The following DPP9 variants were observed in gnomAD, a reference collection of about 807,000 sequenced individuals.
DPP9 encodes the protein dipeptidyl peptidase 9, also known as dipeptidyl peptidase IV-related protein-2.
Under a neutral mutation model 110.7 loss-of-function variants are expected in DPP9, and 50 were observed. That is an observed-to-expected ratio of 0.45 (90% CI 0.36 to 0.57). The LOEUF is 0.57. DPP9 is among the 20% of genes least tolerant of loss of function. DPP9 has a pLI of 0.00. For synonymous variants in DPP9, 561 were observed against 514.4 expected (o/e 1.09, Z -1.23); for missense variants, 1,022 against 1,217.9 (o/e 0.84, Z 2.39).
chr19:4,695,163 A>G lies in DPP9; in HGVS notation c.1353+215T>C. 1 of 583,042 alleles carries G rather than the reference A, an allele frequency of 1.7e-6. No homozygotes were observed. Among genetic ancestry groups the G allele is most frequent in the Non-Finnish European group, 3.0e-6 (1 of 337,630 alleles). The allele number at this position is 583,042 out of a possible 1,614,324, so 36.1% of individuals were successfully genotyped here. ...AACCCTGTCTCTAATTAAAGAAAAA[A>G]ATAGATGAGGGGAGAGGCTCCAATG... is the stretch of plus-strand genomic sequence containing the variant. On this transcript the variant is annotated intron_variant, in intron 12 of 21. Coordinates refer to ENST00000262960, the MANE Select transcript of DPP9 (RefSeq NM_139159.5). This position sits in a 1 kb window ranked among gnomAD's most constrained non-coding sequence, Gnocchi z 4.7.
intron 3 of DPP9, among the ~76,000 whole-genome samples, chr19:4,715,298 C>T (rs992794835): frequency 2.0e-5 from 3 of 152,130 alleles, no homozygotes; most frequent in African/African-American, 7.2e-5. Context: ...GCTGGGATTA[C>T]AGGCATGAGC....
intron 15 of DPP9, 66 bp from the exon 16 acceptor site, chr19:4,688,958 C>T (rs1341654603): frequency 1.0e-5 from 15 of 1,477,124 alleles, no homozygotes; most frequent in African/African-American, 3.0e-5. Context: ...GGGTGCCGAC[C>T]GCAGATCCAG....
chr19:4,702,913 C>T (rs961425977), intron 7 of DPP9, among the ~76,000 whole-genome samples, 197 bp from the exon 8 acceptor site: 14 of 137,244 alleles, frequency 1.0e-4, no homozygotes, highest in Non-Finnish European at 2.2e-4. Flanking sequence ...CTCCACCCCA[C>T]ACTGTGGACA....
intron 13 of DPP9, among the ~76,000 whole-genome samples, chr19:4,692,818 C>T (rs938780361): frequency 2.0e-5 from 3 of 152,172 alleles, no homozygotes; most frequent in African/African-American, 7.2e-5. Context: ...AAGTGAAACA[C>T]CAATGAGCCG....
At position 4,694,139 on chromosome 19, in the gene DPP9, C is replaced by T. The variant is rs1464278753; in HGVS notation, c.1516+522G>A. 1.3e-5 allele frequency among the ~76,000 whole-genome samples: 2 copies of T among 152,230 alleles called. No homozygotes were observed. The highest frequency in any genetic ancestry group is 2.9e-5 in the Non-Finnish European group (2 of 68,042). On this transcript the variant is annotated intron_variant, in intron 13 of 21. Transcript: ENST00000262960. The surrounding 1 kb of genome is among the most constrained non-coding windows in gnomAD (Gnocchi z 4.0). The stretch of plus-strand genomic sequence containing the variant: ...CTCCTCCACTAGAAGGTCCCAAGAG[C>T]AGGGATTTTCCTTTTTCTTTATTTA...
At chr19:4,678,529 T>C (rs2089241655) in intron 21 of DPP9, among the ~76,000 whole-genome samples, 1 of 152,168 alleles carries the variant, frequency 6.6e-6, no homozygotes, top group South Asian at 2.1e-4. Flanking sequence ...CCCAGCTACC[T>C]GGCCCCTGGG....
At chr19:4,701,283 C>G (rs2092236991) in intron 9 of DPP9, among the ~76,000 whole-genome samples, 2 of 152,164 alleles carry the variant, frequency 1.3e-5, no homozygotes, top group African/African-American at 2.4e-5. Context: ...GCCTGGGCAA[C>G]AAAGCAAGAC....
chr19:4,706,805 G>A (rs1170688163), intron 4 of DPP9, among the ~76,000 whole-genome samples: 1 of 152,204 alleles, frequency 6.6e-6, no homozygotes, highest in Non-Finnish European at 1.5e-5. Flanking sequence ...AACAGAGCAA[G>A]ATTTTGTCTC....
intron 3 of DPP9, among the ~76,000 whole-genome samples, chr19:4,716,399 A>C (rs2093074943): frequency 6.6e-6 from 1 of 152,134 alleles, no homozygotes; most frequent in Admixed American, 6.5e-5. Context: ...GCACTTCGGG[A>C]GGCCAAGGCA....
intron 10 of DPP9, among the ~76,000 whole-genome samples, 155 bp from the exon 11 acceptor site, chr19:4,697,806 G>A (rs1421406524): frequency 6.6e-6 from 1 of 152,226 alleles, no homozygotes; most frequent in Non-Finnish European, 1.5e-5. Context: ...CTTTGGAAAT[G>A]GGGCCACTGG....
chr19:4,719,901 C>T lies in DPP9; in HGVS notation c.6G>A (p.Arg2=). 9.0e-6 allele frequency: 14 copies of T among 1,551,742 alleles called. No individual in the cohort carries two copies. Among genetic ancestry groups the T allele is most frequent in the Non-Finnish European group, 1.2e-5 (14 of 1,147,000 alleles). Residue 2 remains arginine, a synonymous_variant, in exon 3 of 22, where the codon CGG becomes CGA. Transcript: ENST00000262960. M[R]KVKKLRLDKE... is the part of the protein sequence containing the mutation. ...TGTCCAGGCGCAGTTTCTTAACCTT[C>T]CGCATTAACCGCTCAGCTGACCTCA...
intron 4 of DPP9, among the ~76,000 whole-genome samples, chr19:4,712,905 C>G (rs1253804381): frequency 2.0e-5 from 3 of 152,218 alleles, no homozygotes; most frequent in Admixed American, 1.3e-4. Context: ...CGGCCGTTCA[C>G]TGGTTCCAAT....
intron 4 of DPP9, among the ~76,000 whole-genome samples, chr19:4,707,396 G>A (rs1032765262): frequency 6.6e-6 from 1 of 152,040 alleles, no homozygotes; most frequent in Non-Finnish European, 1.5e-5. Flanking sequence ...GGGAAGCCTC[G>A]GTTTCCCCTC....
rs1388566752 is a variant in DPP9, at chr19:4,684,999, T to G, written c.2032-190A>C. On this transcript the variant is annotated intron_variant, in intron 17 of 21. Coordinates refer to ENST00000262960, the MANE Select transcript of DPP9 (RefSeq NM_139159.5). This position sits in a 1 kb window ranked among gnomAD's most constrained non-coding sequence, Gnocchi z 4.8. The stretch of plus-strand genomic sequence containing the variant: ...CGGGAGGGGCCCATACTCGGGACCC[T>G]GCTAGGGAGGGGGAAGGGCCACTGT... 4.0e-6 allele frequency: 3 copies of G among 743,364 alleles called. No individual in the cohort carries two copies. In the Admixed American group the frequency reaches 6.0e-5, roughly 15 times the overall value. 46.0% of individuals were successfully genotyped at this position (743,364 alleles called of 1,614,324 possible).
rs369092385 is a variant in DPP9, at chr19:4,685,523, G to A, written c.2031+103C>T. The A allele has an allele frequency of 1.5e-6, 2 of 1,298,382 alleles. No individual in the cohort carries two copies. The highest frequency in any genetic ancestry group is 1.3e-5 in the South Asian group (1 of 75,040). 80.4% of individuals were successfully genotyped at this position (1,298,382 alleles called of 1,614,324 possible). On this transcript the variant is annotated intron_variant, in intron 17 of 21. Coordinates refer to ENST00000262960, the MANE Select transcript of DPP9 (RefSeq NM_139159.5). The surrounding 1 kb of genome is among the most constrained non-coding windows in gnomAD (Gnocchi z 5.8). ...CTGGGGCACCAGGCAGGTAGCCGGG[G>A]AGCCTCCTCTGGTTGACTGTTCTAC...
chr19:4,687,981 AG>A lies in DPP9; in HGVS notation c.1885+775del, dbSNP rs1294028359. 6.6e-6 allele frequency among the ~76,000 whole-genome samples: 1 copy of A among 152,116 alleles called. No homozygotes were observed. On this transcript the variant is annotated intron_variant, in intron 16 of 21. Coordinates refer to ENST00000262960, the MANE Select transcript of DPP9 (RefSeq NM_139159.5). The surrounding 1 kb of genome is among the most constrained non-coding windows in gnomAD (Gnocchi z 4.7). ...TCGGCTAATTTTTTGTATTTTTAGTAGAGATGGTGTTTCACCGTGTTAGCCA... is the reference window on the plus strand; with the variant it reads ...TCGGCTAATTTTTTGTATTTTTAGTAAGATGGTGTTTCACCGTGTTAGCCA...
chr19:4,718,730 C>T lies in DPP9; in HGVS notation c.56+1121G>A, dbSNP rs547292230. ...ACCCCTAAGGCATGTGCCCACCAGA[C>T]GCTGGGACCACCCGGTTTTAGAGCC... On this transcript the variant is annotated intron_variant, in intron 3 of 21. Transcript: ENST00000262960. This position sits in a 1 kb window ranked among gnomAD's most constrained non-coding sequence, Gnocchi z 4.3. 1.3e-5 allele frequency among the ~76,000 whole-genome samples: 2 copies of T among 152,202 alleles called. No homozygotes were observed. Among genetic ancestry groups the T allele is most frequent in the African/African-American group, 2.4e-5 (1 of 41,448 alleles).
In DPP9 at chr19:4,694,823, C is replaced by G. The variant is rs200193869; in HGVS notation, c.1354G>C (p.Val452Leu). The G allele has an allele frequency of 6.8e-6, 11 of 1,613,674 alleles. No homozygotes were observed. The highest frequency in any genetic ancestry group is 9.3e-6 in the Non-Finnish European group (11 of 1,179,818). ...GGGAAGGGATAGAAGATGTCATGAACCTGTCCGGAAAGCAGATAGAAGATG... is the reference window on the plus strand; with the variant it reads ...GGGAAGGGATAGAAGATGTCATGAAGCTGTCCGGAAAGCAGATAGAAGATG... ...YEEVTNVWIN[V>L]HDIFYPFPQS... The change falls in exon 13 of 22, where the codon GTT becomes CTT. Residue 452 changes from valine (V) to leucine (L), a missense_variant and splice_region_variant. Val to Leu is a conservative substitution (Grantham distance 32). Coordinates refer to ENST00000262960, the MANE Select transcript of DPP9 (RefSeq NM_139159.5). This position sits in a 1 kb window ranked among gnomAD's most constrained non-coding sequence, Gnocchi z 4.0.
intron 4 of DPP9, among the ~76,000 whole-genome samples, chr19:4,709,602 C>T (rs994134633): frequency 2.6e-5 from 4 of 152,132 alleles, no homozygotes; most frequent in Non-Finnish European, 5.9e-5. Flanking sequence ...AGCCAATCCA[C>T]AGAGACAGGA....
Sources: allele counts gnomAD v4.1 joint callset (sites outside exome capture counted in the v4.1 genomes callset), GRCh38; gene constraint gnomAD v4.1.1; non-coding constraint Gnocchi (gnomAD v3.1); transcripts MANE v1.5; gene names NCBI Gene and HGNC (gene_info 2026-07-23, HGNC 2026-07-21).